The following PALS2 variants were observed in gnomAD, a reference collection of about 807,000 sequenced individuals.
PALS2 encodes the protein protein associated with LIN7 2, MAGUK p55 family member.
In PALS2, 27 loss-of-function variants were observed where a neutral mutation model predicts 61.6. That is an observed-to-expected ratio of 0.44 (90% CI 0.32 to 0.60). The LOEUF (loss-of-function observed/expected upper bound fraction) is 0.60. Ranked by LOEUF, PALS2 falls within the 20% of genes least tolerant of loss-of-function variation. PALS2 has a pLI of 0.05. For synonymous variants in PALS2, 236 were observed against 218.6 expected, an observed-to-expected ratio of 1.08 and a Z score of -0.70; for missense variants, 554 against 639.4, an observed-to-expected ratio of 0.87 and a Z score of 1.44.
intron 9 of PALS2, among the ~76,000 whole-genome samples, chr7:24,676,240 A>G (rs1425024023): frequency 1.3e-5 from 2 of 151,440 alleles, no homozygotes; most frequent in African/African-American, 4.9e-5. Flanking sequence ...TTTTCTTGTA[A>G]ATTTGTTTGA....
At chr7:24,677,902 G>A (rs1389057430) in intron 9 of PALS2, among the ~76,000 whole-genome samples, 2 of 152,118 alleles carry the variant, frequency 1.3e-5, no homozygotes, top group African/African-American at 4.8e-5. Context: ...CCTTATTTTT[G>A]AGCATGAGTT....
chr7:24,622,544 C>T (rs1442416348), intron 1 of PALS2, among the ~76,000 whole-genome samples: 1 of 151,738 alleles, frequency 6.6e-6, no homozygotes, highest in Non-Finnish European at 1.5e-5. Flanking sequence ...TATACTGAAA[C>T]CTTGGTGAAC....
At chr7:24,613,483 G>A (rs1429775222) in intron 1 of PALS2, among the ~76,000 whole-genome samples, 1 of 151,496 alleles carries the variant, frequency 6.6e-6, no homozygotes, top group East Asian at 1.9e-4. Flanking sequence ...ATTAATAATT[G>A]TACATATTTA....
chr7:24,615,263 G>A lies in PALS2; in HGVS notation c.-2-8403G>A, dbSNP rs560875076. ...CAAGAACAAACCAAACTCAAAGGTA[G>A]TGAAAGGAAGAAAATAATAAGGATC... On this transcript the variant is annotated intron_variant, in intron 1 of 11. Coordinates refer to ENST00000222644, the MANE Select transcript of PALS2 (RefSeq NM_001303037.2). Among the ~76,000 whole-genome samples the A allele has an allele frequency of 2.3e-4, 35 of 151,896 alleles. 1 individual carries two copies. Among genetic ancestry groups the A allele is most frequent in the Middle Eastern group, 3.4e-3 (1 of 294 alleles).
chr7:24,626,705 A>C (rs1431838839), intron 2 of PALS2, among the ~76,000 whole-genome samples: 1 of 144,100 alleles, frequency 6.9e-6, no homozygotes, highest in Non-Finnish European at 1.5e-5. Context: ...AATGTAAAGC[A>C]AAAAAAAAGG....
rs949514429 is a variant in PALS2 at position 24,618,298 on chromosome 7, G to T, written c.-2-5368G>T. 2.6e-5 allele frequency among the ~76,000 whole-genome samples: 4 copies of T among 152,190 alleles called. No individual in the cohort carries two copies. In the East Asian group the frequency reaches 7.7e-4, roughly 29 times the overall value. On this transcript the variant is annotated intron_variant, in intron 1 of 11. Coordinates refer to ENST00000222644, the MANE Select transcript of PALS2 (RefSeq NM_001303037.2). The surrounding 1 kb of genome is among the most constrained non-coding windows in gnomAD (Gnocchi z 5.1). ...GTTTGACCAGAAGTGCTGGCAGCAGGGATTGGTTTCCTTGCTCTGCAGGAC... is the reference window on the plus strand; with the variant it reads ...GTTTGACCAGAAGTGCTGGCAGCAGTGATTGGTTTCCTTGCTCTGCAGGAC...
intron 1 of PALS2, among the ~76,000 whole-genome samples, chr7:24,620,422 T>C (rs550777772): frequency 1.3e-5 from 2 of 152,326 alleles, no homozygotes; most frequent in Admixed American, 6.5e-5. Flanking sequence ...CATTATAATA[T>C]TTGAGATTTC....
At chr7:24,658,760 T>TTGGCCAGGA (rs1355487185) in intron 5 of PALS2, among the ~76,000 whole-genome samples, 1 of 151,974 alleles carries the variant, frequency 6.6e-6, no homozygotes, top group African/African-American at 2.4e-5. Context: ...TTTCATCACG[T>TTGGCCAGGA]TGGCCAGGAT....
chr7:24,619,245 C>A (rs1784403384), intron 1 of PALS2, among the ~76,000 whole-genome samples: 2 of 150,994 alleles, frequency 1.3e-5, no homozygotes, highest in African/African-American at 4.9e-5. Flanking sequence ...TTTTGTTTTC[C>A]TCTCTTTTTA....
chr7:24,691,405 G>GTGTATATATA lies in PALS2; in HGVS notation c.*3792_*3793insGTATATATAT, dbSNP rs1274329385. On this transcript the variant is annotated 3_prime_UTR_variant, in exon 12 of 12. Transcript: ENST00000222644. The stretch of plus-strand genomic sequence containing the variant: ...ATATTATGTATGTGTGTGTGTGTGT[G>GTGTATATATA]TATATATATATATATATATATATAT... 27 of 110,594 alleles carry GTGTATATATA rather than the reference G, an allele frequency of 2.4e-4. No homozygotes were observed. Among genetic ancestry groups the GTGTATATATA allele is most frequent in the Non-Finnish European group, 4.6e-4 (24 of 52,292 alleles). The allele number at this position is 110,594 out of a possible 1,614,324, so 6.9% of individuals were successfully genotyped here.
intron 3 of PALS2, among the ~76,000 whole-genome samples, chr7:24,643,400 T>C (rs1004939355): frequency 2.6e-5 from 4 of 152,194 alleles, no homozygotes; most frequent in African/African-American, 9.6e-5. Flanking sequence ...ATTGTACTCT[T>C]AGCGCATATT....
chr7:24,613,507 G>C (rs1432396548), intron 1 of PALS2, among the ~76,000 whole-genome samples: 2 of 151,652 alleles, frequency 1.3e-5, no homozygotes, highest in African/African-American at 4.8e-5. Context: ...GGTACTTAGT[G>C]ATGTTTTAGT....
chr7:24,599,411 A>G (rs1170598561), intron 1 of PALS2, among the ~76,000 whole-genome samples: 1 of 151,968 alleles, frequency 6.6e-6, no homozygotes, highest in East Asian at 1.9e-4. Context: ...TTTACTTTCT[A>G]AACTCCAGCT....
At chr7:24,651,247 T>C (rs981084187) in intron 5 of PALS2, among the ~76,000 whole-genome samples, 8 of 152,178 alleles carry the variant, frequency 5.3e-5, no homozygotes, top group African/African-American at 1.9e-4. Flanking sequence ...TTATAGAGAT[T>C]GTCTAGACTC....
At chr7:24,653,106 T>G (rs922834778) in intron 5 of PALS2, among the ~76,000 whole-genome samples, 13 of 152,156 alleles carry the variant, frequency 8.5e-5, no homozygotes, top group African/African-American at 3.1e-4. Context: ...TAAGAAAATA[T>G]ATTACAGGAC....
intron 1 of PALS2, among the ~76,000 whole-genome samples, chr7:24,576,631 G>T (rs1023474164): frequency 6.6e-6 from 1 of 152,182 alleles, no homozygotes; most frequent in Admixed American, 6.5e-5. Context: ...AGCTTTCAAA[G>T]ATCCGACTTT....
intron 3 of PALS2, 74 bp from the exon 4 acceptor site, chr7:24,649,538 A>T (rs1562640897): frequency 7.4e-7 from 1 of 1,359,674 alleles, no homozygotes; most frequent in Non-Finnish European, 9.7e-7. Context: ...GAATAATGAA[A>T]TAACAAAGTA....
At chr7:24,651,687 A>G (rs1026708490) in intron 5 of PALS2, among the ~76,000 whole-genome samples, 4 of 152,204 alleles carry the variant, frequency 2.6e-5, no homozygotes, top group Admixed American at 6.5e-5. Context: ...AGCCTAAGTA[A>G]TGTAGAAGTA....
chr7:24,628,157 G>A lies in PALS2; in HGVS notation c.117+4373G>A, dbSNP rs185687816. On this transcript the variant is annotated intron_variant, in intron 2 of 11. Coordinates refer to ENST00000222644, the MANE Select transcript of PALS2 (RefSeq NM_001303037.2). Reference sequence around the variant, plus strand: ...AACCGAATCCAGCAGCACATTAAAAGGCTTATCCACCACGATCAAGTTGGC... The same window carrying A: ...AACCGAATCCAGCAGCACATTAAAAAGCTTATCCACCACGATCAAGTTGGC... Among the ~76,000 whole-genome samples, 87 of 152,196 alleles carry A rather than the reference G, an allele frequency of 5.7e-4. No homozygotes were observed. The East Asian group carries it at 0.015, about 26-fold the overall frequency.
Sources: gnomAD v4.1 joint callset for allele counts (sites outside exome capture counted in the v4.1 genomes callset) on GRCh38, gnomAD v4.1.1 for gene constraint, Gnocchi (gnomAD v3.1) non-coding constraint, MANE v1.5 for transcripts, NCBI Gene and HGNC (gene_info 2026-07-23, HGNC 2026-07-21) for gene names.